DHRS3: variants seen among roughly 807,000 people sequenced by gnomAD.
DHRS3 encodes the protein dehydrogenase/reductase 3, also known as short-chain dehydrogenase/reductase 3.
DHRS3 carries 14 observed loss-of-function variants against 27.2 expected under a neutral mutation model. The observed-to-expected ratio is 0.52, with a 90% confidence interval of 0.34 to 0.81. DHRS3 has a LOEUF of 0.81. Ranked by LOEUF, DHRS3 falls within the 30% of genes least tolerant of loss-of-function variation. The pLI, the probability that DHRS3 is intolerant of heterozygous loss-of-function variation, is 0.01. For missense variants in DHRS3, 322 were observed against 406.2 expected, an observed-to-expected ratio of 0.79 and a Z score of 1.78; for synonymous variants, 165 against 175.9, an observed-to-expected ratio of 0.94 and a Z score of 0.49.
intron 3 of DHRS3, 166 bp from the exon 4 acceptor site, chr1:12,579,122 T>A (rs770669420): frequency 1.5e-6 from 2 of 1,319,214 alleles, no homozygotes; most frequent in South Asian, 2.6e-5. Flanking sequence ...ACCGAGCATA[T>A]TTCACAAAGT....
rs778814991 is a variant in DHRS3 at position 12,578,565 on chromosome 1, T to C, written c.698+153A>G. On this transcript the variant is annotated intron_variant, in intron 4 of 5. Coordinates refer to ENST00000616661, the MANE Select transcript of DHRS3 (RefSeq NM_004753.7). The surrounding 1 kb of genome is among the most constrained non-coding windows in gnomAD (Gnocchi z 4.5). The stretch of plus-strand genomic sequence containing the variant: ...GATTGCTGGGCTCAAGCGATCCACC[T>C]GCCTTGGCTTCCCAAAATGCTAGGA... 6.6e-6 allele frequency among the ~76,000 whole-genome samples: 1 copy of C among 152,210 alleles called. No individual in the cohort carries two copies. Among genetic ancestry groups the C allele is most frequent in the Non-Finnish European group, 1.5e-5 (1 of 68,028 alleles).
At position 12,578,704 on chromosome 1, in the gene DHRS3, C is replaced by T. The variant is rs113408497; in HGVS notation, c.698+14G>A. 16 of 1,604,906 alleles carry T rather than the reference C, an allele frequency of 1.0e-5. No individual in the cohort carries two copies. The African/African-American group carries it at 1.6e-4, about 16-fold the overall frequency. ...GAGAAGGCTGGTCTCAAGGTGGGTC[C>T]CCTGCTCACTGACCTGACTCTCATG... On this transcript the variant is annotated intron_variant, in intron 4 of 5. Transcript: ENST00000616661. This position sits in a 1 kb window ranked among gnomAD's most constrained non-coding sequence, Gnocchi z 4.5.
At chr1:12,615,571 A>C (rs1266998764) in intron 1 of DHRS3, among the ~76,000 whole-genome samples, 7 of 152,172 alleles carry the variant, frequency 4.6e-5, no homozygotes, top group Admixed American at 2.6e-4. Context: ...TGCCTACTGT[A>C]GTCAGCTACA....
rs58614555 is a variant in DHRS3 at position 12,617,520 on chromosome 1, G to GAAAAAAAA, written c.-180_-173dup. 285 of 130,372 alleles carry GAAAAAAAA rather than the reference G, an allele frequency of 2.2e-3. 1 individual carries two copies. Among genetic ancestry groups the GAAAAAAAA allele is most frequent in the African/African-American group, 3.6e-3 (93 of 26,062 alleles). 8.1% of individuals were successfully genotyped at this position (130,372 alleles called of 1,614,324 possible). A position where few individuals can be genotyped will look rare whatever the true frequency, so the allele number is the denominator to read the frequency against. ...AATGCAAAGCACCGGGTGAGAAAAA[G>GAAAAAAAA]AAAAAAAAAAAAAAAAAAAAGATAA... On this transcript the variant is annotated 5_prime_UTR_variant, in exon 1 of 6. Transcript: ENST00000616661.
At chr1:12,601,531 T>C (rs1027783860) in intron 1 of DHRS3, among the ~76,000 whole-genome samples, 3 of 152,086 alleles carry the variant, frequency 2.0e-5, no homozygotes, top group African/African-American at 7.2e-5. Flanking sequence ...ATGCCCAAAG[T>C]CAGCCCTACC....
rs1169297071 is a variant in DHRS3, at chr1:12,618,151, T to C, written c.-803A>G. Among the ~76,000 whole-genome samples the C allele has an allele frequency of 6.6e-6, 1 of 152,096 alleles. No homozygotes were observed. The highest frequency in any genetic ancestry group is 1.5e-5 in the Non-Finnish European group (1 of 68,000). On this transcript the variant is annotated 5_prime_UTR_variant, in exon 1 of 6. Transcript: ENST00000616661. The surrounding 1 kb of genome is among the most constrained non-coding windows in gnomAD (Gnocchi z 4.2). Reference sequence around the variant, plus strand: ...CCTTCTCTCCCTTTTTAGCATTTATTGCCTTCTTTTTGTCCTTTCCAACTT... The same window carrying C: ...CCTTCTCTCCCTTTTTAGCATTTATCGCCTTCTTTTTGTCCTTTCCAACTT...
rs917458900 is a variant in DHRS3, at chr1:12,591,036, G to A, written c.196-10370C>T. 2.6e-4 allele frequency among the ~76,000 whole-genome samples: 39 copies of A among 152,342 alleles called. No individual in the cohort carries two copies. The highest frequency in any genetic ancestry group is 8.7e-4 in the African/African-American group (36 of 41,574). On this transcript the variant is annotated intron_variant, in intron 1 of 5. Coordinates refer to ENST00000616661, the MANE Select transcript of DHRS3 (RefSeq NM_004753.7). The surrounding 1 kb of genome is among the most constrained non-coding windows in gnomAD (Gnocchi z 4.1). ...GATTCTGTGGTTTTGTCCCACTCAA[G>A]GCTGTTTCTAGGGGAGGAGACAGAC...
At chr1:12,600,434 A>G (rs369749767) in intron 1 of DHRS3, 1 of 977,278 alleles carries the variant, frequency 1.0e-6, no homozygotes, top group Non-Finnish European at 1.2e-6. Flanking sequence ...CGGAGAGGCC[A>G]GGTCAGACTC....
At position 12,568,403 on chromosome 1, in the gene DHRS3, G is replaced by C; in HGVS notation, c.846C>G (p.Leu282=). The C allele has an allele frequency of 6.2e-7, 1 of 1,613,784 alleles. No individual in the cohort carries two copies. The highest frequency in any genetic ancestry group is 8.5e-7 in the Non-Finnish European group (1 of 1,179,726). Reference sequence around the variant, plus strand: ...TTCCTGAGAATTTGTGGATCTCCTCGAGTGCAGCCTGTGGAAGTATGCTGG... The same window carrying C: ...TTCCTGAGAATTTGTGGATCTCCTCCAGTGCAGCCTGTGGAAGTATGCTGG... ...ILKSILPQAA[L]EEIHKFSGTY... is the part of the protein sequence containing the mutation. The change falls in exon 6 of 6, where the codon CTC becomes CTG. Residue 282 remains leucine (L), a synonymous_variant. Coordinates refer to ENST00000616661, the MANE Select transcript of DHRS3 (RefSeq NM_004753.7).
At chr1:12,568,463 T>TGGGGCAGGATCCA (rs760062196) in intron 5 of DHRS3, 39 bp from the exon 6 acceptor site, 35 of 1,599,864 alleles carry the variant, frequency 2.2e-5, no homozygotes, top group African/African-American at 4.0e-5. Flanking sequence ...CGATGGTTAG[T>TGGGGCAGGATCCA]GGGGCAGGAT....
In DHRS3 at chr1:12,572,861, C is replaced by T. The variant is rs751189702; in HGVS notation, c.699-8G>A. The T allele has an allele frequency of 1.3e-6, 2 of 1,586,674 alleles. No homozygotes were observed. The highest frequency in any genetic ancestry group is 1.9e-5 in the Admixed American group (1 of 54,024). On this transcript the variant is annotated splice_region_variant and splice_polypyrimidine_tract_variant and intron_variant, in intron 4 of 5. Transcript: ENST00000616661. ...GGAAAGAGGTTGGGAAACCTGAACACAGGAAGAGACACAGTGGGTTTCTCC... is the reference window on the plus strand; with the variant it reads ...GGAAAGAGGTTGGGAAACCTGAACATAGGAAGAGACACAGTGGGTTTCTCC...
At chr1:12,582,708 T>C (rs964197298) in intron 1 of DHRS3, among the ~76,000 whole-genome samples, 1 of 152,036 alleles carries the variant, frequency 6.6e-6, no homozygotes, top group Non-Finnish European at 1.5e-5. Context: ...CAGGTTCCTT[T>C]ATTCCTCCCT....
chr1:12,612,963 GA>G (rs1398008816), intron 1 of DHRS3, among the ~76,000 whole-genome samples: 1 of 152,026 alleles, frequency 6.6e-6, no homozygotes, highest in African/African-American at 2.4e-5. Context: ...GGAAGGCTGA[GA>G]CAGGAGAATC....
chr1:12,599,321 G>T (rs1392550068), intron 1 of DHRS3, among the ~76,000 whole-genome samples: 2 of 152,176 alleles, frequency 1.3e-5, no homozygotes, highest in Admixed American at 6.5e-5. Context: ...TGGGAGAAAA[G>T]CCAGGCCCTT....
chr1:12,594,256 C>G lies in DHRS3; in HGVS notation c.196-13590G>C, dbSNP rs59884583. 0.025 allele frequency among the ~76,000 whole-genome samples: 3,741 copies of G among 152,324 alleles called. 160 individuals carry two copies. Among genetic ancestry groups the G allele is most frequent in the African/African-American group, 0.085 (3,524 of 41,556 alleles). On this transcript the variant is annotated intron_variant, in intron 1 of 5. Coordinates refer to ENST00000616661, the MANE Select transcript of DHRS3 (RefSeq NM_004753.7). The surrounding 1 kb of genome is among the most constrained non-coding windows in gnomAD (Gnocchi z 4.1). ...AAGGCTCGGACTCCAAAGGGAAGCT[C>G]TTTTAACAACCCTGTCCTGCCTCAT...
chr1:12,584,242 T>C (rs898515479), intron 1 of DHRS3, among the ~76,000 whole-genome samples: 1 of 151,950 alleles, frequency 6.6e-6, no homozygotes, highest in African/African-American at 2.4e-5. Flanking sequence ...TGGAGACAAG[T>C]GGTCACCCCA....
In DHRS3 at chr1:12,591,643, C is replaced by T. The variant is rs577249015; in HGVS notation, c.196-10977G>A. ...CCTCAGCATGGGTGCCGTGGGGCGT[C>T]TAGTCCTCTGTCAGCTCAGAAGGGC... On this transcript the variant is annotated intron_variant, in intron 1 of 5. Coordinates refer to ENST00000616661, the MANE Select transcript of DHRS3 (RefSeq NM_004753.7). The surrounding 1 kb of genome is among the most constrained non-coding windows in gnomAD (Gnocchi z 4.1). 6.6e-6 allele frequency among the ~76,000 whole-genome samples: 1 copy of T among 152,352 alleles called. No homozygotes were observed. Among genetic ancestry groups the T allele is most frequent in the Admixed American group, 6.5e-5 (1 of 15,312 alleles).
intron 1 of DHRS3, among the ~76,000 whole-genome samples, chr1:12,614,673 C>T (rs1234191491): frequency 1.3e-5 from 2 of 150,464 alleles, no homozygotes; most frequent in Non-Finnish European, 2.9e-5. Flanking sequence ...CTCCTGGACA[C>T]GTCAGCTCTT....
chr1:12,613,327 T>C (rs1156953560), intron 1 of DHRS3, among the ~76,000 whole-genome samples: 1 of 152,232 alleles, frequency 6.6e-6, no homozygotes, highest in Non-Finnish European at 1.5e-5. Flanking sequence ...TTTGTCCTAA[T>C]TGGTCATGGT....
Sources: gnomAD v4.1 joint callset for allele counts (sites outside exome capture counted in the v4.1 genomes callset) on GRCh38, gnomAD v4.1.1 for gene constraint, Gnocchi (gnomAD v3.1) non-coding constraint, MANE v1.5 for transcripts, NCBI Gene and HGNC (gene_info 2026-07-23, HGNC 2026-07-21) for gene names.